The following RPS6KA5 variants were observed in gnomAD, a reference collection of about 807,000 sequenced individuals.
The protein encoded by RPS6KA5 is ribosomal protein S6 kinase A5, also known as ribosomal protein S6 kinase alpha-5.
Under a neutral mutation model 85.5 loss-of-function variants are expected in RPS6KA5, and 27 were observed. The ratio of observed to expected loss-of-function variants is 0.32; its 90% confidence interval spans 0.23 to 0.44. The LOEUF (loss-of-function observed/expected upper bound fraction) is 0.44, where lower values mean the gene tolerates loss of function less well. Among genes scored for constraint, RPS6KA5 ranks in the 20% least tolerant of loss-of-function variants. RPS6KA5 has a pLI of 1.00. For synonymous variants in RPS6KA5, 334 were observed against 348.2 expected (o/e 0.96, Z 0.46); for missense variants, 811 against 980.9 (o/e 0.83, Z 2.31).
intron 7 of RPS6KA5, among the ~76,000 whole-genome samples, chr14:90,912,190 T>C (rs1001919069): frequency 6.6e-6 from 1 of 152,240 alleles, no homozygotes; most frequent in African/African-American, 2.4e-5. Context: ...CCAAATGCTA[T>C]ATAAATAAAT....
At chr14:90,913,036 G>A (rs113224096) in intron 7 of RPS6KA5, among the ~76,000 whole-genome samples, 5 of 146,686 alleles carry the variant, frequency 3.4e-5, no homozygotes, top group African/African-American at 1.0e-4. Context: ...TCAGTCTCCC[G>A]AGTAGCTGGG....
Position 90,849,880 on chromosome 14 carries a change from T to C in RPS6KA5, c.*22194A>G, listed in dbSNP as rs1325206984. ...TCAACACATTGTCTCACAGCTTTCT[T>C]ACCTGGCAGCTGGCACCACATTAGA... On this transcript the variant is annotated 3_prime_UTR_variant, in exon 17 of 17. Transcript: ENST00000614987. 2 of 152,226 alleles carry C rather than the reference T, an allele frequency of 1.3e-5. No individual in the cohort carries two copies. The highest frequency in any genetic ancestry group is 2.9e-5 in the Non-Finnish European group (2 of 68,056). The allele number at this position is 152,226 out of a possible 1,614,324, so 9.4% of individuals were successfully genotyped here. A position where few individuals can be genotyped will look rare whatever the true frequency, so the allele number is the denominator to read the frequency against.
At chr14:91,027,810 C>A (rs980797339) in intron 1 of RPS6KA5, among the ~76,000 whole-genome samples, 12 of 152,114 alleles carry the variant, frequency 7.9e-5, no homozygotes, top group African/African-American at 2.9e-4. Context: ...AATACACCAG[C>A]CCTGAAGTCT....
At position 90,870,251 on chromosome 14, in the gene RPS6KA5, C is replaced by G. The variant is rs2033013432; in HGVS notation, c.*1823G>C. On this transcript the variant is annotated 3_prime_UTR_variant, in exon 17 of 17. Transcript: ENST00000614987. Reference sequence around the variant, plus strand: ...GGTCATTTTCTTGATTACTAGAGATCTGTGCCTGATGGAATCACATTTTGT... The same window carrying G: ...GGTCATTTTCTTGATTACTAGAGATGTGTGCCTGATGGAATCACATTTTGT... 1 of 152,130 alleles carries G rather than the reference C, an allele frequency of 6.6e-6. No individual in the cohort carries two copies. Among genetic ancestry groups the G allele is most frequent in the South Asian group, 2.1e-4 (1 of 4,836 alleles). The allele number at this position is 152,130 out of a possible 1,614,324, so 9.4% of individuals were successfully genotyped here.
intron 1 of RPS6KA5, among the ~76,000 whole-genome samples, chr14:91,013,313 G>A (rs1237616937): frequency 6.6e-6 from 1 of 152,200 alleles, no homozygotes; most frequent in Non-Finnish European, 1.5e-5. Flanking sequence ...AAGCAGCTCA[G>A]GGTCCAGAGG....
At chr14:91,052,367 C>A in intron 1 of RPS6KA5, 1 of 394,750 alleles carries the variant, frequency 2.5e-6, no homozygotes, top group Non-Finnish European at 4.8e-6. Context: ...ACTTGGGAGG[C>A]TGAGGCAGGA....
At chr14:91,050,140 G>T (rs576722177) in intron 1 of RPS6KA5, among the ~76,000 whole-genome samples, 2 of 152,136 alleles carry the variant, frequency 1.3e-5, no homozygotes, top group African/African-American at 4.8e-5. Flanking sequence ...CACTTTGGGA[G>T]GCTGAGGCAG....
At position 90,894,596 on chromosome 14, in the gene RPS6KA5, A is replaced by G. The variant is rs1566704430; in HGVS notation, c.1474-13T>C. On this transcript the variant is annotated splice_polypyrimidine_tract_variant and intron_variant, in intron 12 of 16. Coordinates refer to ENST00000614987, the MANE Select transcript of RPS6KA5 (RefSeq NM_004755.4). ...GAAACGTGTGAAGCTAGAAAAGAGA[A>G]AGAATAACGTGGAGGGCCTTCCTGA... 6.2e-7 allele frequency: 1 copy of G among 1,612,570 alleles called. No homozygotes were observed. The highest frequency in any genetic ancestry group is 8.5e-7 in the Non-Finnish European group (1 of 1,178,998).
At chr14:90,875,030 C>T (rs148775449) in intron 15 of RPS6KA5, among the ~76,000 whole-genome samples, 171 bp downstream of exon 15, 35 of 152,208 alleles carry the variant, frequency 2.3e-4, no homozygotes, top group African/African-American at 8.2e-4. Context: ...GATACCATTA[C>T]TAAAGAGAAT....
At position 90,962,294 on chromosome 14, in the gene RPS6KA5, A is replaced by T. The variant is rs1219136755; in HGVS notation, c.395-14744T>A. Among the ~76,000 whole-genome samples, 18 of 121,026 alleles carry T rather than the reference A, an allele frequency of 1.5e-4. No individual in the cohort carries two copies. In the Admixed American group the frequency reaches 1.5e-3, roughly 10 times the overall value. 79.4% of individuals were successfully genotyped at this position (121,026 alleles called of 152,430 possible). A position where few individuals can be genotyped will look rare whatever the true frequency, so the allele number is the denominator to read the frequency against. Reference sequence around the variant, plus strand: ...TCCTAAGGGTTTTTTTTTACAAAAAACTTATCTTGGCACAGTTTTTTTTTT... The same window carrying T: ...TCCTAAGGGTTTTTTTTTACAAAAATCTTATCTTGGCACAGTTTTTTTTTT... On this transcript the variant is annotated intron_variant, in intron 3 of 16. Coordinates refer to ENST00000614987, the MANE Select transcript of RPS6KA5 (RefSeq NM_004755.4).
rs1426419277 is a variant in RPS6KA5 at position 91,060,356 on chromosome 14, T to G, written c.79A>C (p.Thr27Pro). 1 of 1,480,148 alleles carries G rather than the reference T, an allele frequency of 6.8e-7. No individual in the cohort carries two copies. The highest frequency in any genetic ancestry group is 9.0e-7 in the Non-Finnish European group (1 of 1,108,402). 91.7% of individuals were successfully genotyped at this position (1,480,148 alleles called of 1,614,324 possible). ...CCAGTCCGCAGCTCGTGCTTGACAG[T>G]GAGGAGCTGCTCTCCTCCGTCGCCG... ...DGGDGGEQLL[T>P]VKHELRTANL... Residue 27 changes from threonine (T) to proline (P), a missense_variant, in exon 1 of 17, where the codon ACT becomes CCT. By Grantham distance (38) the Thr-to-Pro change is conservative. This residue lies in a region of RPS6KA5 where 113 missense variants were observed against 100.0 expected (regional missense o/e 1.13). Transcript: ENST00000614987.
chr14:91,038,428 G>C (rs1185845283), intron 1 of RPS6KA5, among the ~76,000 whole-genome samples: 1 of 152,192 alleles, frequency 6.6e-6, no homozygotes, highest in South Asian at 2.1e-4. Flanking sequence ...AAAAAAGTAA[G>C]AATAGACTGG....
At chr14:90,879,228 T>G (rs1000161743) in intron 14 of RPS6KA5, among the ~76,000 whole-genome samples, 3 of 152,246 alleles carry the variant, frequency 2.0e-5, no homozygotes, top group African/African-American at 7.2e-5. Flanking sequence ...ACACTCAGAA[T>G]CTGCCCTGGG....
chr14:90,908,302 G>T (rs781156923), intron 7 of RPS6KA5, among the ~76,000 whole-genome samples: 2 of 152,326 alleles, frequency 1.3e-5, no homozygotes, highest in South Asian at 2.1e-4. Flanking sequence ...CACACTGGGA[G>T]AAATTGAGTA....
intron 1 of RPS6KA5, among the ~76,000 whole-genome samples, chr14:91,021,515 C>T (rs751100348): frequency 4.6e-5 from 7 of 152,130 alleles, no homozygotes; most frequent in Non-Finnish European, 8.8e-5. Context: ...GTGGTTCTCG[C>T]GATTCTCCTG....
At chr14:90,936,478 G>A (rs2037263501) in intron 5 of RPS6KA5, among the ~76,000 whole-genome samples, 1 of 152,066 alleles carries the variant, frequency 6.6e-6, no homozygotes, top group African/African-American at 2.4e-5. Flanking sequence ...GTGGGAGGAT[G>A]GCTTGACCCC....
chr14:91,049,906 GT>G (rs1267827649), intron 1 of RPS6KA5, among the ~76,000 whole-genome samples: 1 of 152,238 alleles, frequency 6.6e-6, no homozygotes, highest in African/African-American at 2.4e-5. Context: ...TTAAGTATTT[GT>G]GTATCTAACC....
Position 90,900,616 on chromosome 14 carries a change from T to C in RPS6KA5, c.1240A>G (p.Met414Val). The C allele has an allele frequency of 6.2e-7, 1 of 1,613,596 alleles. No individual in the cohort carries two copies. The highest frequency in any genetic ancestry group is 8.5e-7 in the Non-Finnish European group (1 of 1,179,806). ...AAGTTACCACATCTATATACCTTCA[T>C]CATTGCACTCCTGGCAACATTTGTC... is the stretch of plus-strand genomic sequence containing the variant. ...GVTNVARSAMMKDSPFYQHYD... is the reference protein window; with the variant it reads ...GVTNVARSAMVKDSPFYQHYD... Residue 414 changes from methionine (M) to valine (V), a missense_variant, in exon 10 of 17, where the codon ATG becomes GTG. Around this residue, in one of 3 missense-constraint regions of RPS6KA5, gnomAD observed 650 missense variants for 793.4 expected, o/e 0.82. Coordinates refer to ENST00000614987, the MANE Select transcript of RPS6KA5 (RefSeq NM_004755.4).
In RPS6KA5 at chr14:90,860,152, CCACAGAAAAAAGA is replaced by C. The variant is rs2032469602; in HGVS notation, c.*11909_*11921del. 1 of 152,040 alleles carries C rather than the reference CCACAGAAAAAAGA, an allele frequency of 6.6e-6. No individual in the cohort carries two copies. Among genetic ancestry groups the C allele is most frequent in the East Asian group, 1.9e-4 (1 of 5,200 alleles). The allele number at this position is 152,040 out of a possible 1,614,324, so 9.4% of individuals were successfully genotyped here. A position where few individuals can be genotyped will look rare whatever the true frequency, so the allele number is the denominator to read the frequency against. On this transcript the variant is annotated 3_prime_UTR_variant, in exon 17 of 17. Transcript: ENST00000614987. Reference sequence around the variant, plus strand: ...GACGAAGAGAAAATCTTAAAAGTGACCACAGAAAAAAGACACATTACCTTCAAAGGAAATATAA... The same window carrying C: ...GACGAAGAGAAAATCTTAAAAGTGACCACATTACCTTCAAAGGAAATATAA...
Sources: allele counts gnomAD v4.1 joint callset (sites outside exome capture counted in the v4.1 genomes callset), GRCh38; gene constraint gnomAD v4.1.1; regional missense constraint gnomAD v4.1.1; transcripts MANE v1.5; gene names NCBI Gene and HGNC (gene_info 2026-07-23, HGNC 2026-07-21).